The following GRM7 variants were observed in gnomAD, a reference collection of about 807,000 sequenced individuals.
The protein encoded by GRM7 is metabotropic glutamate receptor 7.
A neutral mutation model predicts 84.5 loss-of-function variants in GRM7; 35 were observed. The observed-to-expected ratio is 0.41, with a 90% CI of 0.32 to 0.55. The LOEUF is 0.55. Ranked by LOEUF, GRM7 falls within the 20% of genes least tolerant of loss-of-function variation. The pLI, the probability that GRM7 is intolerant of heterozygous loss-of-function variation, is 0.19. For synonymous variants in GRM7, 487 were observed against 455.1 expected, an observed-to-expected ratio of 1.07 and a Z score of -0.89; for missense variants, 1,003 against 1,194.6, an observed-to-expected ratio of 0.84 and a Z score of 2.36.
intron 1 of GRM7, among the ~76,000 whole-genome samples, chr3:6,871,064 A>G (rs1695104519): frequency 6.6e-6 from 1 of 152,200 alleles, no homozygotes; most frequent in African/African-American, 2.4e-5. Context: ...AATTAGTGAA[A>G]AATAATTATC....
intron 1 of GRM7, chr3:6,884,362 A>G (rs1695617130): frequency 6.6e-6 from 1 of 152,642 alleles, no homozygotes; most frequent in Non-Finnish European, 1.5e-5. Context: ...TCAGCAAGTT[A>G]AAGAGCCTAT....
intron 2 of GRM7, among the ~76,000 whole-genome samples, chr3:7,195,880 A>G (rs1468062712): frequency 1.4e-4 from 22 of 152,168 alleles, no homozygotes; most frequent in Non-Finnish European, 1.5e-5. Flanking sequence ...AATAAAATGT[A>G]TAAACTTTCT....
At chr3:7,098,940 A>G (rs1698953012) in intron 1 of GRM7, among the ~76,000 whole-genome samples, 1 of 151,932 alleles carries the variant, frequency 6.6e-6, no homozygotes, top group Non-Finnish European at 1.5e-5. Context: ...TGGCTATCAA[A>G]TATGCTCTCT....
At chr3:7,073,922 T>G (rs73029535) in intron 1 of GRM7, among the ~76,000 whole-genome samples, 23,751 of 151,996 alleles carry the variant, frequency 0.16, 2,179 homozygotes, top group South Asian at 0.22. Context: ...TATTGCTGGA[T>G]TTTTAAAATC....
chr3:7,439,156 G>A (rs2124867000), intron 5 of GRM7, among the ~76,000 whole-genome samples: 1 of 152,254 alleles, frequency 6.6e-6, no homozygotes, highest in South Asian at 2.1e-4. Flanking sequence ...GAATAAAATT[G>A]TCCATAGGTC....
At chr3:7,420,946 A>T (rs780319977) in intron 5 of GRM7, among the ~76,000 whole-genome samples, 7 of 152,264 alleles carry the variant, frequency 4.6e-5, no homozygotes, top group Non-Finnish European at 8.8e-5. Context: ...TAAAATCCTC[A>T]TTGTTTTTGG....
Position 6,861,848 on chromosome 3 carries a change from A to G in GRM7, c.460A>G (p.Ile154Val). 1 of 1,614,056 alleles carries G rather than the reference A, an allele frequency of 6.2e-7. No homozygotes were observed. The highest frequency in any genetic ancestry group is 8.5e-7 in the Non-Finnish European group (1 of 1,180,006). The change falls in exon 1 of 10, where the codon ATT (isoleucine) becomes GTT (valine). Residue 154 changes from isoleucine (I) to valine (V), a missense_variant. Around this residue, in one of 2 missense-constraint regions of GRM7, gnomAD observed 910 missense variants for 1,126.0 expected, o/e 0.81. Coordinates refer to ENST00000357716, the MANE Select transcript of GRM7 (RefSeq NM_000844.4). This position sits in a 1 kb window ranked among gnomAD's most constrained non-coding sequence, Gnocchi z 6.4. ...FVKPEKVVGV[I>V]GASGSSVSIM... ...CAAGCCGGAGAAAGTAGTTGGAGTG[A>G]TTGGGGCTTCGGGGAGTTCGGTCTC...
At position 7,041,548 on chromosome 3, in the gene GRM7, T is replaced by C. The variant is rs75687056; in HGVS notation, c.520-104904T>C. ...GCGCTTGCTGAACATTTGTATTGTT[T>C]GTATATTTCTACTATTACAAGTGAA... On this transcript the variant is annotated intron_variant, in intron 1 of 9. Coordinates refer to ENST00000357716, the MANE Select transcript of GRM7 (RefSeq NM_000844.4). Among the ~76,000 whole-genome samples, 196 of 152,372 alleles carry C rather than the reference T, an allele frequency of 1.3e-3. 5 individuals carry two copies. In the East Asian group the frequency reaches 0.029, roughly 22 times the overall value.
chr3:7,149,065 T>C (rs1001231839), intron 2 of GRM7, among the ~76,000 whole-genome samples: 4 of 152,194 alleles, frequency 2.6e-5, no homozygotes, highest in Non-Finnish European at 5.9e-5. Flanking sequence ...ATCCTTCTTT[T>C]ATACATATTA....
chr3:7,065,359 G>C lies in GRM7; in HGVS notation c.520-81093G>C, dbSNP rs138352454. 4.8e-3 allele frequency among the ~76,000 whole-genome samples: 727 copies of C among 151,800 alleles called. 8 individuals carry two copies. The highest frequency in any genetic ancestry group is 0.017 in the African/African-American group (698 of 41,498). ...AAGTCCTTAATCCAGCTTGAATTGA[G>C]TTTTGTATAAGGTGAGAGACAAGGA... is the stretch of plus-strand genomic sequence containing the variant. On this transcript the variant is annotated intron_variant, in intron 1 of 9. Coordinates refer to ENST00000357716, the MANE Select transcript of GRM7 (RefSeq NM_000844.4).
At chr3:6,977,373 G>A (rs1273514105) in intron 1 of GRM7, among the ~76,000 whole-genome samples, 1 of 152,106 alleles carries the variant, frequency 6.6e-6, no homozygotes, top group Non-Finnish European at 1.5e-5. Flanking sequence ...GTCTGTGTGT[G>A]TGTGTGTCTG....
At chr3:7,638,044 A>G (rs889140510) in intron 8 of GRM7, among the ~76,000 whole-genome samples, 1 of 152,332 alleles carries the variant, frequency 6.6e-6, no homozygotes, top group Non-Finnish European at 1.5e-5. Flanking sequence ...AAGAGAATTG[A>G]GACACCAGAT....
chr3:7,436,187 CT>C (rs1201032313), intron 5 of GRM7, among the ~76,000 whole-genome samples: 1 of 152,026 alleles, frequency 6.6e-6, no homozygotes, highest in Non-Finnish European at 1.5e-5. Context: ...CCTTTGTTTT[CT>C]TTCTTGTCTG....
chr3:7,613,377 A>T (rs771965644), intron 8 of GRM7, among the ~76,000 whole-genome samples: 11 of 152,210 alleles, frequency 7.2e-5, no homozygotes, highest in Non-Finnish European at 1.2e-4. Context: ...AGATTCAATT[A>T]TAGCTGACAA....
intron 7 of GRM7, among the ~76,000 whole-genome samples, chr3:7,566,657 T>TA (rs34817796): frequency 4.0e-5 from 6 of 151,172 alleles, no homozygotes; most frequent in Admixed American, 6.6e-5. Flanking sequence ...TGACACTGAA[T>TA]AAAAAAAAAG....
intron 1 of GRM7, among the ~76,000 whole-genome samples, chr3:7,125,142 G>A (rs774599946): frequency 1.3e-5 from 2 of 152,088 alleles, no homozygotes; most frequent in Non-Finnish European, 2.9e-5. Flanking sequence ...GTTTCGCCTT[G>A]TTGGCCAGGC....
At chr3:6,964,026 C>A (rs904682855) in intron 1 of GRM7, among the ~76,000 whole-genome samples, 4 of 152,218 alleles carry the variant, frequency 2.6e-5, no homozygotes, top group African/African-American at 9.7e-5. Flanking sequence ...ATTCTCACCA[C>A]TGATTCACCA....
chr3:7,040,892 G>A (rs553375177), intron 1 of GRM7, among the ~76,000 whole-genome samples: 6 of 151,848 alleles, frequency 4.0e-5, no homozygotes, highest in African/African-American at 1.2e-4. Context: ...AGACCACCCT[G>A]GGCAAAACGG....
chr3:7,244,318 C>A (rs1697674226), intron 2 of GRM7, among the ~76,000 whole-genome samples: 1 of 152,072 alleles, frequency 6.6e-6, no homozygotes, highest in South Asian at 2.1e-4. Context: ...TGATACTTCA[C>A]CCAATCGACT....
Sources: gnomAD v4.1 joint callset for allele counts (sites outside exome capture counted in the v4.1 genomes callset) on GRCh38, gnomAD v4.1.1 for gene constraint, gnomAD v4.1.1 regional missense constraint, Gnocchi (gnomAD v3.1) non-coding constraint, MANE v1.5 for transcripts, NCBI Gene and HGNC (gene_info 2026-07-23, HGNC 2026-07-21) for gene names.